The following SYTL2 variants were observed in gnomAD, a reference collection of about 807,000 sequenced individuals.
SYTL2 encodes synaptotagmin like 2.
SYTL2 carries 165 observed loss-of-function variants against 198.7 expected under a neutral mutation model. The observed-to-expected ratio is 0.83, with a 90% CI of 0.73 to 0.94. SYTL2 has a LOEUF of 0.94. SYTL2 is among the 40% of genes least tolerant of loss of function. SYTL2 has a pLI of 0.00. For missense variants in SYTL2, 2,835 were observed against 2,582.8 expected (o/e 1.10, Z -2.12); for synonymous variants, 966 against 917.7 (o/e 1.05, Z -0.95).
chr11:85,779,655 C>T (rs2092524242), intron 1 of SYTL2, among the ~76,000 whole-genome samples: 1 of 148,932 alleles, frequency 6.7e-6, no homozygotes, highest in African/African-American at 2.5e-5. Flanking sequence ...TTTTCCCTAG[C>T]AGAAGTAGGA....
chr11:85,846,039 A>G, the SYTL2 span, among the ~76,000 whole-genome samples: 5 of 152,364 alleles, frequency 3.3e-5, no homozygotes, highest in Middle Eastern at 3.4e-3. Flanking sequence ...AGATTAACTC[A>G]GCTATACTTA....
chr11:85,710,767 T>A (rs761114589), intron 13 of SYTL2, among the ~76,000 whole-genome samples: 1 of 152,302 alleles, frequency 6.6e-6, no homozygotes, highest in African/African-American at 2.4e-5. Context: ...TGCCTGCAAA[T>A]CATATATAAA....
upstream of SYTL2, among the ~76,000 whole-genome samples, chr11:85,813,673 G>A (rs1405543601): frequency 6.6e-6 from 1 of 151,848 alleles, no homozygotes; most frequent in Non-Finnish European, 1.5e-5. Context: ...CTTTCTCTGG[G>A]TGACTTTAGA....
At chr11:85,816,058 G>A (rs183830296), upstream of SYTL2, among the ~76,000 whole-genome samples, 7 of 152,172 alleles carry the variant, frequency 4.6e-5, no homozygotes, top group South Asian at 1.5e-3. Flanking sequence ...CCAGCTACTC[G>A]AGAGGCTGAG....
At chr11:85,823,212 T>C in the SYTL2 span, among the ~76,000 whole-genome samples, 2 of 152,376 alleles carry the variant, frequency 1.3e-5, no homozygotes, top group East Asian at 1.9e-4. Context: ...AAGCAGTTTC[T>C]GACACATAGT....
chr11:85,830,843 C>T, the SYTL2 span, among the ~76,000 whole-genome samples: 2 of 152,152 alleles, frequency 1.3e-5, no homozygotes, highest in Admixed American at 6.5e-5. Flanking sequence ...CTCTCCACTT[C>T]CCCCACTTCC....
At chr11:85,702,923 T>A (rs2084570511) in intron 16 of SYTL2, among the ~76,000 whole-genome samples, 1 of 152,322 alleles carries the variant, frequency 6.6e-6, no homozygotes, top group East Asian at 1.9e-4. Flanking sequence ...AATGTTAAGA[T>A]AGAGAATTTT....
rs752330430 is a variant in SYTL2 at position 85,734,699 on chromosome 11, A to C, written c.630T>G (p.Thr210=). ...TTGATTTCTCTAACTTTTGGATTGA[A>C]GTATCTGCGACAGTTGACTTTTCTT... ...ESKEKSTVAD[T]SIQKLEKSKQ... The change falls in exon 7 of 20, where the codon ACT becomes ACG. Residue 210 remains threonine (T), a synonymous_variant. Coordinates refer to ENST00000359152, the MANE Select transcript of SYTL2 (RefSeq NM_206927.4). 3.1e-6 allele frequency: 5 copies of C among 1,614,116 alleles called. No individual in the cohort carries two copies. In the East Asian group the frequency reaches 1.1e-4, roughly 36 times the overall value.
intron 7 of SYTL2, among the ~76,000 whole-genome samples, chr11:85,732,755 T>G (rs1200527924): frequency 6.6e-6 from 1 of 152,122 alleles, no homozygotes; most frequent in Non-Finnish European, 1.5e-5. Flanking sequence ...TAAAAAAAAT[T>G]TTTTTTAAAA....
At chr11:85,720,824 G>A in intron 9 of SYTL2, 34 bp downstream of exon 9, 1 of 1,461,514 alleles carries the variant, frequency 6.8e-7, no homozygotes, top group African/African-American at 1.4e-5. Flanking sequence ...AAGCTTAGAT[G>A]GGGCATGAAC....
At position 85,727,535 on chromosome 11, in the gene SYTL2, T is replaced by A; in HGVS notation, c.1823A>T (p.Asn608Ile). The A allele has an allele frequency of 1.3e-6, 2 of 1,536,102 alleles. No homozygotes were observed. The highest frequency in any genetic ancestry group is 1.7e-6 in the Non-Finnish European group (2 of 1,146,870). Residue 608 changes from asparagine (N) to isoleucine (I), a missense_variant, in exon 8 of 20, where the codon AAT (asparagine) becomes ATT (isoleucine). Around this residue, in one of 3 missense-constraint regions of SYTL2, gnomAD observed 2,645 missense variants for 2,381.7 expected, o/e 1.11. Coordinates refer to ENST00000359152, the MANE Select transcript of SYTL2 (RefSeq NM_206927.4). ...CATGAATTTGGATTTGATATTCACA[T>A]TATTATCTTGGCAACTTTCAGAAAC... ...MLVSESCQDN[N>I]VNIKSKFMNL...
chr11:85,748,201 C>T (rs918688807), intron 3 of SYTL2, 71 bp downstream of exon 3: 2 of 1,501,984 alleles, frequency 1.3e-6, no homozygotes, highest in Non-Finnish European at 1.8e-6. Context: ...ATTTCTGACA[C>T]CATTCCCTTC....
chr11:85,711,083 G>C, intron 13 of SYTL2, 30 bp downstream of exon 13: 1 of 1,611,488 alleles, frequency 6.2e-7, no homozygotes, highest in Non-Finnish European at 8.5e-7. Flanking sequence ...GACGCGGAGA[G>C]ATATTAATAT....
intron 2 of SYTL2, among the ~76,000 whole-genome samples, chr11:85,751,142 A>C (rs947419351): frequency 6.6e-6 from 1 of 152,200 alleles, no homozygotes; most frequent in African/African-American, 2.4e-5. Context: ...CTTGTTTTAA[A>C]GTGGCAAAAG....
chr11:85,821,703 G>A, the SYTL2 span, among the ~76,000 whole-genome samples: 1 of 152,202 alleles, frequency 6.6e-6, no homozygotes, highest in South Asian at 2.1e-4. Context: ...TCAGTTTTTG[G>A]TCAATGTTTT....
At chr11:85,783,127 T>C (rs1049970580) in intron 1 of SYTL2, among the ~76,000 whole-genome samples, 3 of 152,176 alleles carry the variant, frequency 2.0e-5, no homozygotes, top group African/African-American at 7.2e-5. Flanking sequence ...ACTGGGTAAC[T>C]TATAAAGGAA....
At position 85,727,674 on chromosome 11, in the gene SYTL2, C is replaced by T. The variant is rs1421865279; in HGVS notation, c.1684G>A (p.Val562Met). 1.3e-6 allele frequency: 2 copies of T among 1,539,792 alleles called. No individual in the cohort carries two copies. The highest frequency in any genetic ancestry group is 2.4e-5 in the South Asian group (2 of 84,036). Reference sequence around the variant, plus strand: ...TCTCTTAAAGTAGTGTCATCTGTCACCAAGTCAACAGCAACCTGTGATTTT... The same window carrying T: ...TCTCTTAAAGTAGTGTCATCTGTCATCAAGTCAACAGCAACCTGTGATTTT... The part of the protein sequence containing the change: ...DSKSQVAVDL[V>M]TDDTTLRENG... The change falls in exon 8 of 20, where the codon GTG becomes ATG. Residue 562 changes from valine to methionine, a missense_variant. Val to Met is a conservative substitution (Grantham distance 21). Transcript: ENST00000359152.
rs897502061 is a variant in SYTL2, at chr11:85,787,581, G to C, written c.-390+23373C>G. Among the ~76,000 whole-genome samples, 3 of 152,018 alleles carry C rather than the reference G, an allele frequency of 2.0e-5. No homozygotes were observed. In the South Asian group the frequency reaches 6.2e-4, roughly 32 times the overall value. ...GTGGAAGATGACAAGGGCATTTGTGGGTAGCTGTTAGGACTGTACCGCAAG... is the reference window on the plus strand; with the variant it reads ...GTGGAAGATGACAAGGGCATTTGTGCGTAGCTGTTAGGACTGTACCGCAAG... On this transcript the variant is annotated intron_variant, in intron 1 of 19. Coordinates refer to ENST00000359152, the MANE Select transcript of SYTL2 (RefSeq NM_206927.4).
upstream of SYTL2, among the ~76,000 whole-genome samples, chr11:85,814,628 G>C (rs913290107): frequency 5.3e-5 from 8 of 152,200 alleles, no homozygotes; most frequent in African/African-American, 1.9e-4. Context: ...TCTTGGAATG[G>C]TGGAAGGCTG....
Sources: gnomAD v4.1 joint callset for allele counts (sites outside exome capture counted in the v4.1 genomes callset) on GRCh38, gnomAD v4.1.1 for gene constraint, gnomAD v4.1.1 regional missense constraint, MANE v1.5 for transcripts, NCBI Gene and HGNC (gene_info 2026-07-23, HGNC 2026-07-21) for gene names.